DENND1A: variants seen among roughly 807,000 people sequenced by gnomAD.
DENND1A encodes the protein DENN domain-containing protein 1A.
Under a neutral mutation model 113.7 loss-of-function variants are expected in DENND1A, and 51 were observed. The observed-to-expected ratio is 0.45, with a 90% CI of 0.36 to 0.57. DENND1A has a LOEUF of 0.57. Among genes scored for constraint, DENND1A ranks in the 20% least tolerant of loss-of-function variants. DENND1A has a pLI of 0.00. For missense variants in DENND1A, 1,258 were observed against 1,395.9 expected (o/e 0.90, Z 1.57); for synonymous variants, 565 against 570.8 (o/e 0.99, Z 0.14).
At chr9:123,799,298 G>A (rs1195618444) in intron 2 of DENND1A, among the ~76,000 whole-genome samples, 1 of 152,156 alleles carries the variant, frequency 6.6e-6, no homozygotes, top group Non-Finnish European at 1.5e-5. Context: ...TTTTATCATA[G>A]TTAAAGCAAT....
chr9:123,601,131 A>AT (rs922072896), intron 11 of DENND1A, among the ~76,000 whole-genome samples: 17 of 152,236 alleles, frequency 1.1e-4, no homozygotes, highest in African/African-American at 3.6e-4. Flanking sequence ...ATGGTTTCAC[A>AT]TTTTTTTACT....
At chr9:123,694,997 A>G (rs879330122) in intron 5 of DENND1A, among the ~76,000 whole-genome samples, 1 of 152,194 alleles carries the variant, frequency 6.6e-6, no homozygotes, top group Admixed American at 6.5e-5. Context: ...GCCAGTGAAT[A>G]TAAAGCAGGC....
intron 11 of DENND1A, among the ~76,000 whole-genome samples, chr9:123,600,687 C>T (rs1011499362): frequency 1.3e-5 from 2 of 152,036 alleles, no homozygotes; most frequent in Non-Finnish European, 2.9e-5. Context: ...TTGCTTAGGC[C>T]GGGTGTGGTG....
chr9:123,914,410 G>A (rs760705149), intron 1 of DENND1A, among the ~76,000 whole-genome samples: 64 of 151,556 alleles, frequency 4.2e-4, no homozygotes, highest in Non-Finnish European at 7.5e-4. Context: ...GCATGGTGGC[G>A]AGCGCCTGTA....
intron 1 of DENND1A, among the ~76,000 whole-genome samples, chr9:123,894,934 G>A (rs561913898): frequency 6.6e-6 from 1 of 152,132 alleles, no homozygotes; most frequent in Admixed American, 6.6e-5. Context: ...GGAGAGGAGT[G>A]GGGGGATTTT....
chr9:123,622,143 A>G (rs1299209410), intron 10 of DENND1A, among the ~76,000 whole-genome samples: 1 of 152,244 alleles, frequency 6.6e-6, no homozygotes, highest in East Asian at 1.9e-4. Flanking sequence ...TTGACTTCTC[A>G]GTTCAACAAT....
At chr9:123,815,690 T>A (rs556111386) in intron 2 of DENND1A, among the ~76,000 whole-genome samples, 1 of 152,312 alleles carries the variant, frequency 6.6e-6, no homozygotes, top group African/African-American at 2.4e-5. Context: ...CTAAATAGTT[T>A]TAGCGTATTA....
At chr9:123,530,690 C>G (rs1018684121) in intron 13 of DENND1A, among the ~76,000 whole-genome samples, 1 of 152,168 alleles carries the variant, frequency 6.6e-6, no homozygotes, top group African/African-American at 2.4e-5. Context: ...TAGTAAAGCA[C>G]AGTAGTCCCC....
chr9:123,928,642 T>C (rs566808579), intron 1 of DENND1A: 3 of 985,356 alleles, frequency 3.0e-6, no homozygotes, highest in Non-Finnish European at 3.6e-6. Flanking sequence ...TCAAGGCTGC[T>C]GCAGCGCATC....
At chr9:123,760,696 T>C (rs191641145) in intron 4 of DENND1A, among the ~76,000 whole-genome samples, 1 of 152,316 alleles carries the variant, frequency 6.6e-6, no homozygotes, top group African/African-American at 2.4e-5. Context: ...GATTTAATAC[T>C]ATGTTTTAAA....
chr9:123,464,856 A>G (rs1451827730), intron 13 of DENND1A, among the ~76,000 whole-genome samples: 1 of 151,982 alleles, frequency 6.6e-6, no homozygotes, highest in African/African-American at 2.4e-5. Context: ...TCCATAATAA[A>G]AAGTTAAAAA....
intron 2 of DENND1A, among the ~76,000 whole-genome samples, chr9:123,818,396 A>G (rs2132561794): frequency 6.6e-6 from 1 of 152,130 alleles, no homozygotes; most frequent in South Asian, 2.1e-4. Context: ...GAGCCACCGC[A>G]CCTGGCCTAT....
At chr9:123,797,146 G>A (rs1036764921) in intron 2 of DENND1A, among the ~76,000 whole-genome samples, 28 of 152,092 alleles carry the variant, frequency 1.8e-4, no homozygotes, top group African/African-American at 6.3e-4. Flanking sequence ...CATATTTAAA[G>A]CTTACAATTA....
At chr9:123,716,070 T>C (rs2066960424) in intron 5 of DENND1A, among the ~76,000 whole-genome samples, 2 of 152,182 alleles carry the variant, frequency 1.3e-5, no homozygotes, top group South Asian at 4.1e-4. Context: ...TTAGGATACA[T>C]GTGATCTTGG....
chr9:123,737,648 C>A lies in DENND1A; in HGVS notation c.302+20055G>T, dbSNP rs985796074. Among the ~76,000 whole-genome samples the A allele has an allele frequency of 5.3e-5, 8 of 152,084 alleles. 1 individual carries two copies. Among genetic ancestry groups the A allele is most frequent in the Non-Finnish European group, 1.5e-5 (1 of 68,020 alleles). The stretch of plus-strand genomic sequence containing the variant: ...AGTATTATGTGGCAAAAGTACTCCC[C>A]GCTCCTCCCATCCCCAAAATGAAAT... On this transcript the variant is annotated intron_variant, in intron 5 of 23. Coordinates refer to ENST00000394215, the MANE Select transcript of DENND1A (RefSeq NM_001352964.2).
intron 19 of DENND1A, among the ~76,000 whole-genome samples, chr9:123,426,956 A>G (rs1380800245): frequency 6.6e-6 from 1 of 152,208 alleles, no homozygotes; most frequent in African/African-American, 2.4e-5. Context: ...TCTTAGAAAG[A>G]CAAGCTCTCT....
chr9:123,644,444 C>CAATA (rs779381750), intron 9 of DENND1A, among the ~76,000 whole-genome samples: 1,875 of 143,902 alleles, frequency 0.013, 20 homozygotes, highest in South Asian at 0.032. Flanking sequence ...TTCACCCAAA[C>CAATA]CAACAGCACC....
At chr9:123,498,487 C>G (rs2052148753) in intron 13 of DENND1A, among the ~76,000 whole-genome samples, 1 of 152,234 alleles carries the variant, frequency 6.6e-6, no homozygotes, top group Non-Finnish European at 1.5e-5. Context: ...CAATCCAGGT[C>G]TCTCTTATCT....
intron 5 of DENND1A, among the ~76,000 whole-genome samples, chr9:123,682,241 CA>C (rs1289988066): frequency 1.3e-5 from 2 of 152,116 alleles, no homozygotes; most frequent in Non-Finnish European, 2.9e-5. Context: ...AAGTAATTTG[CA>C]ATAAAATTTT....
Sources: gnomAD v4.1 joint callset for allele counts (sites outside exome capture counted in the v4.1 genomes callset) on GRCh38, gnomAD v4.1.1 for gene constraint, MANE v1.5 for transcripts, NCBI Gene and HGNC (gene_info 2026-07-23, HGNC 2026-07-21) for gene names.